ACSM1: variants seen among roughly 807,000 people sequenced by gnomAD.
ACSM1 encodes the protein acyl-CoA synthetase medium chain family member 1.
In ACSM1, 79 loss-of-function variants were observed where a neutral mutation model predicts 75.8. The ratio of observed to expected loss-of-function variants is 1.04; its 90% CI spans 0.87 to 1.26. The LOEUF (loss-of-function observed/expected upper bound fraction) is 1.26, where lower values mean the gene tolerates loss of function less well. Ranked by LOEUF, ACSM1 falls within the 50% of genes most tolerant of loss-of-function variation. The pLI, the probability that ACSM1 is intolerant of heterozygous loss-of-function variation, is 0.00. For missense variants in ACSM1, 676 were observed against 720.1 expected, an observed-to-expected ratio of 0.94 and a Z score of 0.70; for synonymous variants, 279 against 265.8, an observed-to-expected ratio of 1.05 and a Z score of -0.48.
At chr16:20,623,689 G>A (rs982241719) in intron 13 of ACSM1, 117 bp from the exon 14 acceptor site, 98 of 1,011,792 alleles carry the variant, frequency 9.7e-5, no homozygotes, top group Non-Finnish European at 1.4e-4. Flanking sequence ...ACCATATGGT[G>A]GCCTTAATGG....
chr16:20,631,885 G>T (rs533648143), intron 10 of ACSM1, among the ~76,000 whole-genome samples: 7 of 152,148 alleles, frequency 4.6e-5, no homozygotes, highest in African/African-American at 1.4e-4. Flanking sequence ...AGGGGGTAAG[G>T]GTTAAAAGAC....
chr16:20,655,508 T>A (rs186998161), intron 7 of ACSM1, among the ~76,000 whole-genome samples: 253 of 152,110 alleles, frequency 1.7e-3, no homozygotes, highest in African/African-American at 5.9e-3. Flanking sequence ...TAAAATAAAT[T>A]TTTAAAGGAG....
chr16:20,672,662 T>C lies in ACSM1; in HGVS notation c.612-991A>G, dbSNP rs1406170200. 2.3e-5 allele frequency among the ~76,000 whole-genome samples: 3 copies of C among 129,248 alleles called. No individual in the cohort carries two copies. In the East Asian group the frequency reaches 6.5e-4, roughly 28 times the overall value. The allele number at this position is 129,248 out of a possible 152,430, so 84.8% of individuals were successfully genotyped here. ...TATATATAAGTATATATAATATATATCATATAGTATATATTGTATATAATT... is the reference window on the plus strand; with the variant it reads ...TATATATAAGTATATATAATATATACCATATAGTATATATTGTATATAATT... On this transcript the variant is annotated intron_variant, in intron 4 of 13. Transcript: ENST00000520010.
intron 4 of ACSM1, 63 bp from the exon 5 acceptor site, chr16:20,671,734 A>G: frequency 5.6e-6 from 8 of 1,434,816 alleles, no homozygotes; most frequent in Non-Finnish European, 6.4e-6. Flanking sequence ...TCTTCTGGGA[A>G]TGCAAAAGAA....
At chr16:20,692,694 C>G (rs562525584) in intron 1 of ACSM1, among the ~76,000 whole-genome samples, 1 of 152,260 alleles carries the variant, frequency 6.6e-6, no homozygotes, top group South Asian at 2.1e-4. Context: ...AGGGCAATTT[C>G]AAGGTATGGC....
intron 10 of ACSM1, among the ~76,000 whole-genome samples, chr16:20,629,666 T>A (rs1291894815): frequency 6.6e-6 from 1 of 152,162 alleles, no homozygotes; most frequent in Admixed American, 6.5e-5. Flanking sequence ...GATCCAAATA[T>A]ACACTATCTA....
intron 9 of ACSM1, 121 bp downstream of exon 9, chr16:20,637,250 G>GATTAAAAA: frequency 1.2e-6 from 1 of 860,840 alleles, no homozygotes; most frequent in Non-Finnish European, 2.0e-6. Flanking sequence ...AGGGATAAAT[G>GATTAAAAA]AGAAGAGAGG....
Position 20,673,783 on chromosome 16 carries a change from A to G in ACSM1, c.612-2112T>C, listed in dbSNP as rs79326403. Among the ~76,000 whole-genome samples the G allele has an allele frequency of 1.5e-4, 23 of 152,266 alleles. 1 individual carries two copies. The East Asian group carries it at 4.1e-3, about 27-fold the overall frequency. On this transcript the variant is annotated intron_variant, in intron 4 of 13. Transcript: ENST00000520010. ...AACCTTTCATTCAACTACTTCATATATTTTTAATAGAAAAATAAGACTTTA... is the reference window on the plus strand; with the variant it reads ...AACCTTTCATTCAACTACTTCATATGTTTTTAATAGAAAAATAAGACTTTA...
intron 4 of ACSM1, among the ~76,000 whole-genome samples, chr16:20,673,608 T>G (rs2020091039): frequency 6.6e-6 from 1 of 152,116 alleles, no homozygotes; most frequent in Non-Finnish European, 1.5e-5. Context: ...CTTTCTTATC[T>G]CCAGCCTTCC....
intron 7 of ACSM1, among the ~76,000 whole-genome samples, chr16:20,650,051 C>T (rs2018566121): frequency 6.6e-6 from 1 of 152,162 alleles, no homozygotes; most frequent in Non-Finnish European, 1.5e-5. Flanking sequence ...GAAGCCTATT[C>T]TTTTGAGCTT....
intron 4 of ACSM1, among the ~76,000 whole-genome samples, chr16:20,678,979 T>C (rs998063577): frequency 6.6e-6 from 1 of 152,118 alleles, no homozygotes; most frequent in African/African-American, 2.4e-5. Context: ...AGACTTTAAG[T>C]ATGGCCATGC....
chr16:20,674,042 AC>A, intron 4 of ACSM1: 1 of 426,542 alleles, frequency 2.3e-6, no homozygotes, highest in South Asian at 1.7e-5. Flanking sequence ...TGACTTGATG[AC>A]CTTCCTACCA....
At chr16:20,661,988 T>C in intron 6 of ACSM1, 115 bp from the exon 7 acceptor site, 1 of 594,452 alleles carries the variant, frequency 1.7e-6, no homozygotes, top group Admixed American at 2.6e-5. Context: ...GTTAATTTCT[T>C]AATCCTTTAA....
chr16:20,636,699 A>T (rs746999452), intron 10 of ACSM1, 40 bp downstream of exon 10: 10 of 1,494,824 alleles, frequency 6.7e-6, no homozygotes, highest in Non-Finnish European at 9.3e-6. Flanking sequence ...CCCTGTTGGG[A>T]TCCTTGGGGC....
At chr16:20,683,356 G>A (rs948243261) in intron 3 of ACSM1, among the ~76,000 whole-genome samples, 45 of 151,928 alleles carry the variant, frequency 3.0e-4, no homozygotes, top group African/African-American at 9.7e-4. Flanking sequence ...TTGGACTTCT[G>A]ACCACAAGTG....
intron 7 of ACSM1, among the ~76,000 whole-genome samples, chr16:20,645,904 G>T (rs1290944615): frequency 6.6e-6 from 1 of 152,158 alleles, no homozygotes; most frequent in African/African-American, 2.4e-5. Flanking sequence ...ACAAAGGGAG[G>T]CATTGAGGAA....
chr16:20,641,676 C>T (rs1191905513), intron 7 of ACSM1, among the ~76,000 whole-genome samples: 2 of 152,206 alleles, frequency 1.3e-5, no homozygotes, highest in Admixed American at 1.3e-4. Context: ...CCCCCTGGTC[C>T]CACTTTACTT....
intron 3 of ACSM1, among the ~76,000 whole-genome samples, chr16:20,684,608 T>C (rs1035500173): frequency 6.6e-6 from 1 of 152,222 alleles, no homozygotes; most frequent in African/African-American, 2.4e-5. Context: ...TCTTCAAAAA[T>C]GTCACTGTCA....
intron 7 of ACSM1, among the ~76,000 whole-genome samples, chr16:20,644,563 A>T (rs1414398075): frequency 1.3e-5 from 2 of 151,906 alleles, no homozygotes; most frequent in African/African-American, 4.8e-5. Context: ...ACACACACAC[A>T]CACACACACA....
Sources: allele counts gnomAD v4.1 joint callset (sites outside exome capture counted in the v4.1 genomes callset), GRCh38; gene constraint gnomAD v4.1.1; transcripts MANE v1.5; gene names NCBI Gene and HGNC (gene_info 2026-07-23, HGNC 2026-07-21).